CIRSR: variants seen among roughly 807,000 people sequenced by gnomAD.
CIRSR encodes corepressor of RBPJ and splicing regulator, also known as CBF1 (RBPJ) interacting corepressor 1.
At chr2:174,350,590 G>C in the CIRSR span, 3 of 939,998 alleles carry the variant, frequency 3.2e-6, no homozygotes, top group Non-Finnish European at 4.8e-6. Flanking sequence ...CTTAGGATCA[G>C]AGTTGAATAC....
At chr2:174,363,611 T>G in the CIRSR span, among the ~76,000 whole-genome samples, 1 of 152,204 alleles carries the variant, frequency 6.6e-6, no homozygotes, top group South Asian at 2.1e-4. Context: ...GAAAGAGGTT[T>G]AATTGGACTT....
chr2:174,352,905 C>T, the CIRSR span, among the ~76,000 whole-genome samples: 1 of 152,144 alleles, frequency 6.6e-6, no homozygotes, highest in Admixed American at 6.5e-5. Flanking sequence ...TGGTTGAATA[C>T]TTTGTCTATT....
the CIRSR span, among the ~76,000 whole-genome samples, chr2:174,361,802 T>C: frequency 2.1e-3 from 314 of 152,326 alleles, 2 homozygotes; most frequent in African/African-American, 7.0e-3. Flanking sequence ...TAAGTCCTTA[T>C]CATATTTTAC....
the CIRSR span, among the ~76,000 whole-genome samples, chr2:174,375,178 A>G: frequency 1.3e-5 from 2 of 152,194 alleles, no homozygotes; most frequent in Admixed American, 1.3e-4. Flanking sequence ...AATCTGCCTT[A>G]TCACTTTTTT....
the CIRSR span, among the ~76,000 whole-genome samples, chr2:174,358,915 T>A: frequency 6.6e-6 from 1 of 151,810 alleles, no homozygotes; most frequent in South Asian, 2.1e-4. Context: ...GTTCACCATA[T>A]CGGCCAGGCT....
At chr2:174,370,084 A>G in the CIRSR span, 1 of 1,337,204 alleles carries the variant, frequency 7.5e-7, no homozygotes, top group East Asian at 4.8e-5. Context: ...GGGCTGGTTC[A>G]TCCACTATCA....
chr2:174,356,601 GGGAA>G, the CIRSR span, among the ~76,000 whole-genome samples: 781 of 118,712 alleles, frequency 6.6e-3, 11 homozygotes, highest in African/African-American at 0.019. Context: ...GAGGGAGGGA[GGGAA>G]GAAGGAAGGA....
chr2:174,366,262 GAA>G, the CIRSR span, among the ~76,000 whole-genome samples: 1 of 151,994 alleles, frequency 6.6e-6, no homozygotes, highest in Non-Finnish European at 1.5e-5. Context: ...AGAATAGAGA[GAA>G]AGGAACAGAA....
At chr2:174,381,100 TAAG>T in the CIRSR span, among the ~76,000 whole-genome samples, 4 of 152,212 alleles carry the variant, frequency 2.6e-5, no homozygotes, top group Non-Finnish European at 4.4e-5. Context: ...AAATATTTAG[TAAG>T]AAGGACTAAA....
At chr2:174,389,867 T>G in the CIRSR span, among the ~76,000 whole-genome samples, 45,472 of 152,112 alleles carry the variant, frequency 0.3, 8,417 homozygotes, top group East Asian at 0.7. Context: ...GCAGCTTCCA[T>G]GTGATGTTGG....
chr2:174,395,587 T>G, the CIRSR span: 2 of 1,614,210 alleles, frequency 1.2e-6, no homozygotes, highest in Non-Finnish European at 1.7e-6. Flanking sequence ...GATGAAAGTC[T>G]TTCTTGCACA....
chr2:174,381,960 C>A, the CIRSR span, among the ~76,000 whole-genome samples: 2 of 152,124 alleles, frequency 1.3e-5, no homozygotes, highest in East Asian at 3.8e-4. Context: ...AGTGCTGTCT[C>A]TTTAGTAACT....
At chr2:174,383,849 C>CA in the CIRSR span, among the ~76,000 whole-genome samples, 22,964 of 121,036 alleles carry the variant, frequency 0.19, 2,299 homozygotes, top group African/African-American at 0.3. Flanking sequence ...AGCTATCTTC[C>CA]AAAAAAAAAA....
the CIRSR span, among the ~76,000 whole-genome samples, chr2:174,362,685 TCAAAAAAAAAAAA>T: frequency 1.2e-5 from 1 of 83,994 alleles, no homozygotes; most frequent in Non-Finnish European, 1.9e-5. Flanking sequence ...AGACTCTGCC[TCAAAAAAAAAAAA>T]AAAAAAAAAA....
the CIRSR span, among the ~76,000 whole-genome samples, chr2:174,369,321 G>C: frequency 1.3e-5 from 2 of 152,348 alleles, no homozygotes; most frequent in African/African-American, 4.8e-5. Flanking sequence ...ACCCTTCACA[G>C]AGTTGAAGAG....
the CIRSR span, chr2:174,387,533 T>C: frequency 1.4e-5 from 10 of 724,396 alleles, no homozygotes; most frequent in Non-Finnish European, 2.1e-5. Flanking sequence ...CATCTACAGG[T>C]ATGAGAGTAA....
chr2:174,349,402 TA>T, the CIRSR span, among the ~76,000 whole-genome samples: 1 of 151,536 alleles, frequency 6.6e-6, no homozygotes, highest in South Asian at 2.1e-4. Flanking sequence ...CCATCTCTAG[TA>T]AAAATACAAA....
chr2:174,349,010 A>T, the CIRSR span: 13 of 1,593,032 alleles, frequency 8.2e-6, no homozygotes, highest in East Asian at 2.9e-4. Flanking sequence ...TGTTACTCTC[A>T]CTCTCACTAC....
the CIRSR span, chr2:174,381,745 C>T: frequency 3.1e-6 from 5 of 1,597,042 alleles, no homozygotes; most frequent in Non-Finnish European, 4.3e-6. Flanking sequence ...GAAATTAAGG[C>T]CATTCTTTAC....
Sources: allele counts gnomAD v4.1 joint callset (sites outside exome capture counted in the v4.1 genomes callset), GRCh38; gene constraint gnomAD v4.1.1; transcripts MANE v1.5; gene names NCBI Gene and HGNC (gene_info 2026-07-23, HGNC 2026-07-21).